NARS2: variants seen among roughly 807,000 people sequenced by gnomAD.
The protein encoded by NARS2 is asparaginyl-tRNA synthetase.
A neutral mutation model predicts 62.9 loss-of-function variants in NARS2; 60 were observed. That is an observed-to-expected ratio of 0.95 (90% CI 0.77 to 1.18). The LOEUF (loss-of-function observed/expected upper bound fraction) is 1.18, where lower values mean the gene tolerates loss of function less well. NARS2 is among the 50% of genes most tolerant of loss of function. NARS2 has a pLI of 0.00. For synonymous variants in NARS2, 196 were observed against 200.0 expected, an observed-to-expected ratio of 0.98 and a Z score of 0.17; for missense variants, 619 against 576.4, an observed-to-expected ratio of 1.07 and a Z score of -0.76.
At chr11:78,494,925 T>G (rs1859993087) in intron 6 of NARS2, among the ~76,000 whole-genome samples, 1 of 152,194 alleles carries the variant, frequency 6.6e-6, no homozygotes, top group South Asian at 2.1e-4. Context: ...CCCCAGCTTA[T>G]TACATGGCCC....
chr11:78,460,216 G>A (rs1382855429), intron 11 of NARS2, among the ~76,000 whole-genome samples: 1 of 151,788 alleles, frequency 6.6e-6, no homozygotes, highest in African/African-American at 2.4e-5. Flanking sequence ...TTTATCCTAA[G>A]AGCAAAGGGA....
At chr11:78,519,336 C>T (rs1220275705) in intron 6 of NARS2, among the ~76,000 whole-genome samples, 1 of 152,038 alleles carries the variant, frequency 6.6e-6, no homozygotes, top group African/African-American at 2.4e-5. Context: ...CAGCCCAAAG[C>T]CCAAGTTGAT....
At chr11:78,448,571 A>C (rs1435110402) in intron 11 of NARS2, among the ~76,000 whole-genome samples, 1 of 152,124 alleles carries the variant, frequency 6.6e-6, no homozygotes, top group Non-Finnish European at 1.5e-5. Context: ...TCATCCTCCC[A>C]AAGTGCTGGG....
At chr11:78,451,544 C>T (rs1857972743) in intron 11 of NARS2, among the ~76,000 whole-genome samples, 1 of 152,118 alleles carries the variant, frequency 6.6e-6, no homozygotes, top group Non-Finnish European at 1.5e-5. Context: ...CGGGTGATGA[C>T]AACTTGCCTT....
chr11:78,533,533 A>C (rs1449102705), intron 5 of NARS2, among the ~76,000 whole-genome samples: 1 of 152,210 alleles, frequency 6.6e-6, no homozygotes, highest in Non-Finnish European at 1.5e-5. Context: ...AGCTCCATTC[A>C]ATTTGGCACA....
intron 4 of NARS2, among the ~76,000 whole-genome samples, chr11:78,563,648 T>A (rs936065250): frequency 5.4e-5 from 8 of 149,462 alleles, no homozygotes; most frequent in African/African-American, 2.0e-4. Context: ...CTGGCCAACA[T>A]AGTGAAACCC....
intron 4 of NARS2, among the ~76,000 whole-genome samples, chr11:78,561,816 T>G (rs533214180): frequency 6.6e-6 from 1 of 152,108 alleles, no homozygotes. Flanking sequence ...TCCCAGCACT[T>G]TGGGAGGCTG....
At chr11:78,490,171 A>C (rs567780988) in intron 7 of NARS2, among the ~76,000 whole-genome samples, 15 of 152,330 alleles carry the variant, frequency 9.8e-5, no homozygotes, top group African/African-American at 3.6e-4. Context: ...GGATAAATCA[A>C]AACTGCTTCA....
intron 6 of NARS2, 61 bp from the exon 7 acceptor site, chr11:78,493,256 AT>A (rs1859908087): frequency 6.7e-7 from 1 of 1,493,750 alleles, no homozygotes; most frequent in Non-Finnish European, 9.2e-7. Context: ...AAGTATTTAA[AT>A]ATTCAGTGAG....
At chr11:78,541,861 T>C (rs535358582) in intron 5 of NARS2, among the ~76,000 whole-genome samples, 3 of 152,242 alleles carry the variant, frequency 2.0e-5, no homozygotes, top group African/African-American at 7.2e-5. Context: ...TGCATGCCAT[T>C]AGACTGCATC....
chr11:78,464,098 G>A (rs538924213), intron 11 of NARS2, among the ~76,000 whole-genome samples: 13 of 152,214 alleles, frequency 8.5e-5, no homozygotes, highest in African/African-American at 2.9e-4. Context: ...CTTCCTTCTG[G>A]TGGGTTCGTG....
At chr11:78,510,050 C>T (rs1860661736) in intron 6 of NARS2, among the ~76,000 whole-genome samples, 1 of 151,868 alleles carries the variant, frequency 6.6e-6, no homozygotes, top group Admixed American at 6.6e-5. Flanking sequence ...AAGAAAAACA[C>T]AGTAATGCAG....
chr11:78,460,020 A>C (rs1283589160), intron 11 of NARS2, among the ~76,000 whole-genome samples: 1 of 152,114 alleles, frequency 6.6e-6, no homozygotes, highest in Non-Finnish European at 1.5e-5. Context: ...GATGAAGAAG[A>C]CTGTTCTAGA....
intron 5 of NARS2, among the ~76,000 whole-genome samples, chr11:78,547,133 A>G (rs541946352): frequency 6.6e-6 from 1 of 152,084 alleles, no homozygotes; most frequent in South Asian, 2.1e-4. Context: ...GAATTAGAGA[A>G]CAGCCTGGAC....
chr11:78,440,977 AG>A, intron 13 of NARS2, 113 bp downstream of exon 13: 1 of 904,996 alleles, frequency 1.1e-6, no homozygotes, highest in East Asian at 2.4e-5. Flanking sequence ...AGAACAGTTA[AG>A]TTCATTGTTT....
At chr11:78,533,682 A>G (rs976342803) in intron 5 of NARS2, among the ~76,000 whole-genome samples, 19 of 152,238 alleles carry the variant, frequency 1.2e-4, no homozygotes, top group African/African-American at 3.9e-4. Context: ...GTGTCAGAGC[A>G]TATCACTCAT....
At position 78,532,474 on chromosome 11, in the gene NARS2, C is replaced by G. The variant is rs147920288; in HGVS notation, c.595-3538G>C. 3.0e-3 allele frequency among the ~76,000 whole-genome samples: 452 copies of G among 152,174 alleles called. 2 individuals carry two copies. The highest frequency in any genetic ancestry group is 0.01 in the African/African-American group (417 of 41,530). On this transcript the variant is annotated intron_variant, in intron 5 of 13. Transcript: ENST00000281038. ...CTCCCCAAATGAGAAAGAAGATATA[C>G]AGAAATGAAGACTCAAATGGCTAAT...
intron 11 of NARS2, among the ~76,000 whole-genome samples, chr11:78,450,401 A>G (rs1857925554): frequency 6.6e-6 from 1 of 152,156 alleles, no homozygotes. Flanking sequence ...ACTTGGTACT[A>G]ATTTAATGGT....
At chr11:78,469,365 A>T (rs775958836) in intron 9 of NARS2, 52 bp from the exon 10 acceptor site, 20 of 1,357,548 alleles carry the variant, frequency 1.5e-5, no homozygotes, top group Non-Finnish European at 2.0e-5. Context: ...TGGAGCTGCT[A>T]ACTAGTTCAT....
Sources: allele counts gnomAD v4.1 joint callset (sites outside exome capture counted in the v4.1 genomes callset), GRCh38; gene constraint gnomAD v4.1.1; transcripts MANE v1.5; gene names NCBI Gene and HGNC (gene_info 2026-07-23, HGNC 2026-07-21).